The following CDC42BPA variants were observed in gnomAD, a reference collection of about 807,000 sequenced individuals.
CDC42BPA encodes CDC42 binding protein kinase alpha.
CDC42BPA carries 80 observed loss-of-function variants against 223.5 expected under a neutral mutation model. That is an observed-to-expected ratio of 0.36 (90% CI 0.30 to 0.43). The LOEUF (loss-of-function observed/expected upper bound fraction) is 0.43. CDC42BPA is among the 20% of genes least tolerant of loss of function. The probability of loss-of-function intolerance (pLI) is 1.00; values close to 1 mark genes in which losing one functional copy is unlikely to be tolerated. For missense variants in CDC42BPA, 1,743 were observed against 2,099.9 expected (o/e 0.83, Z 3.32); for synonymous variants, 694 against 718.6 (o/e 0.97, Z 0.55).
rs1416366981 is a variant in CDC42BPA, at chr1:226,994,669, G to A, written c.5133+154C>T. Among the ~76,000 whole-genome samples the A allele has an allele frequency of 6.6e-6, 1 of 152,202 alleles. No individual in the cohort carries two copies. The highest frequency in any genetic ancestry group is 1.5e-5 in the Non-Finnish European group (1 of 68,034). On this transcript the variant is annotated intron_variant, in intron 36 of 36. Coordinates refer to ENST00000366766, the MANE Select transcript of CDC42BPA (RefSeq NM_001394014.1). The surrounding 1 kb of genome is among the most constrained non-coding windows in gnomAD (Gnocchi z 4.0). ...GGGAAAACTGCAGTTTGCAGCCCGA[G>A]TGACTGGCCTAGCTGCCCGCTGGCC...
chr1:227,224,966 G>A (rs1676593234), intron 2 of CDC42BPA, among the ~76,000 whole-genome samples: 1 of 152,116 alleles, frequency 6.6e-6, no homozygotes, highest in South Asian at 2.1e-4. Flanking sequence ...AAACTGCAAT[G>A]AGCTAACAGA....
At chr1:227,034,591 A>G in intron 26 of CDC42BPA, 64 bp downstream of exon 26, 1 of 1,466,890 alleles carries the variant, frequency 6.8e-7, no homozygotes. Flanking sequence ...CAATTTTTGA[A>G]AATCAGAAAC....
chr1:227,247,150 A>T (rs187444319), intron 2 of CDC42BPA, among the ~76,000 whole-genome samples: 21 of 152,164 alleles, frequency 1.4e-4, no homozygotes, highest in South Asian at 2.1e-4. Context: ...CAGTGAGCCA[A>T]GATCGTGTCA....
At chr1:227,279,328 G>A (rs1687643358) in intron 1 of CDC42BPA, among the ~76,000 whole-genome samples, 1 of 151,984 alleles carries the variant, frequency 6.6e-6, no homozygotes, top group South Asian at 2.1e-4. Context: ...CTAAAAGAAA[G>A]GAAATAAGTT....
chr1:227,184,422 T>C (rs930547114), intron 5 of CDC42BPA, among the ~76,000 whole-genome samples: 2 of 152,018 alleles, frequency 1.3e-5, no homozygotes, highest in African/African-American at 2.4e-5. Context: ...TTGAGCACCA[T>C]TTGTTCAAGA....
intron 2 of CDC42BPA, among the ~76,000 whole-genome samples, chr1:227,246,799 C>T (rs1429680915): frequency 6.6e-6 from 1 of 152,190 alleles, no homozygotes; most frequent in Non-Finnish European, 1.5e-5. Flanking sequence ...CATCTAAAAG[C>T]ATCAACACTA....
At chr1:227,076,178 A>G (rs1340255129) in intron 17 of CDC42BPA, among the ~76,000 whole-genome samples, 1 of 152,050 alleles carries the variant, frequency 6.6e-6, no homozygotes, top group East Asian at 1.9e-4. Flanking sequence ...ACTCCTTCTC[A>G]TAATCATTGC....
At chr1:227,015,957 C>G in intron 34 of CDC42BPA, 123 bp downstream of exon 34, 1 of 657,342 alleles carries the variant, frequency 1.5e-6, no homozygotes, top group South Asian at 2.0e-5. Context: ...TTGTGGTATA[C>G]TGAGAGAAAC....
intron 2 of CDC42BPA, among the ~76,000 whole-genome samples, chr1:227,227,264 C>T (rs939231422): frequency 6.6e-6 from 1 of 151,994 alleles, no homozygotes; most frequent in Admixed American, 6.6e-5. Flanking sequence ...CTAAAAAAAT[C>T]TAGTAAGGAA....
intron 15 of CDC42BPA, among the ~76,000 whole-genome samples, chr1:227,093,971 T>G (rs994675467): frequency 6.6e-6 from 1 of 152,180 alleles, no homozygotes; most frequent in African/African-American, 2.4e-5. Context: ...ATAAATCATT[T>G]ATTAACTTCA....
intron 34 of CDC42BPA, among the ~76,000 whole-genome samples, chr1:227,014,489 A>G (rs1665835246): frequency 6.6e-6 from 1 of 152,178 alleles, no homozygotes; most frequent in African/African-American, 2.4e-5. Flanking sequence ...ATGAACTGAG[A>G]TATTTACAAT....
intron 15 of CDC42BPA, among the ~76,000 whole-genome samples, chr1:227,093,941 G>A (rs543387484): frequency 6.6e-5 from 10 of 152,086 alleles, no homozygotes. Context: ...TATAACCTGA[G>A]GCAACCAACC....
chr1:227,304,986 C>T (rs1257674220), intron 1 of CDC42BPA, among the ~76,000 whole-genome samples: 1 of 152,010 alleles, frequency 6.6e-6, no homozygotes, highest in Non-Finnish European at 1.5e-5. Context: ...TATAAAATTG[C>T]ACACACACAC....
intron 3 of CDC42BPA, among the ~76,000 whole-genome samples, chr1:227,202,057 C>T (rs1009933811): frequency 2.6e-5 from 4 of 152,154 alleles, no homozygotes; most frequent in African/African-American, 9.7e-5. Flanking sequence ...GATCTCAGCT[C>T]ACTGCAACCT....
intron 5 of CDC42BPA, among the ~76,000 whole-genome samples, chr1:227,168,497 G>GTTTTTTGTTTTTTTTTTTTTTTTTTTT (rs1665477711): frequency 1.2e-5 from 1 of 80,196 alleles, no homozygotes; most frequent in Non-Finnish European, 2.4e-5. Context: ...CTTCCCTGGT[G>GTTTTTTGTTTTTTTTTTTTTTTTTTTT]TTTTTTTTTT....
chr1:227,316,346 A>T (rs1254474425), intron 1 of CDC42BPA, among the ~76,000 whole-genome samples: 1 of 152,176 alleles, frequency 6.6e-6, no homozygotes, highest in Non-Finnish European at 1.5e-5. Context: ...GAAGCCAAAA[A>T]CCTAACCAGT....
intron 1 of CDC42BPA, among the ~76,000 whole-genome samples, chr1:227,261,535 AAAC>A (rs1277204934): frequency 1.4e-5 from 2 of 145,082 alleles, no homozygotes; most frequent in Non-Finnish European, 2.9e-5. Context: ...TAAATAAAAC[AAAC>A]AACCATGAGA....
At chr1:227,312,311 T>G (rs1390751095) in intron 1 of CDC42BPA, among the ~76,000 whole-genome samples, 2 of 151,806 alleles carry the variant, frequency 1.3e-5, no homozygotes, top group Non-Finnish European at 2.9e-5. Context: ...CATAAAAGAG[T>G]GGTACAATAA....
chr1:227,256,940 T>TACACACACACACAC (rs1160019576), intron 1 of CDC42BPA, among the ~76,000 whole-genome samples: 2 of 117,528 alleles, frequency 1.7e-5, no homozygotes, highest in Non-Finnish European at 3.5e-5. Context: ...ATGTGATATA[T>TACACACACACACAC]ATATACAGAC....
Sources: gnomAD v4.1 joint callset for allele counts (sites outside exome capture counted in the v4.1 genomes callset) on GRCh38, gnomAD v4.1.1 for gene constraint, Gnocchi (gnomAD v3.1) non-coding constraint, MANE v1.5 for transcripts, NCBI Gene and HGNC (gene_info 2026-07-23, HGNC 2026-07-21) for gene names.